ATP8A2: variants seen among roughly 807,000 people sequenced by gnomAD.
ATP8A2 encodes the protein phospholipid-transporting ATPase IB.
Under a neutral mutation model 165.6 loss-of-function variants are expected in ATP8A2, and 100 were observed. That is an observed-to-expected ratio of 0.60 (90% confidence interval 0.51 to 0.71). ATP8A2 has a LOEUF of 0.71. Ranked by LOEUF, ATP8A2 falls within the 30% of genes least tolerant of loss-of-function variation. ATP8A2 has a pLI of 0.00. For missense variants in ATP8A2, 1,227 were observed against 1,479.5 expected, an observed-to-expected ratio of 0.83 and a Z score of 2.80; for synonymous variants, 543 against 548.8, an observed-to-expected ratio of 0.99 and a Z score of 0.15.
chr13:26,025,356 C>G lies in ATP8A2; in HGVS notation c.*5371C>G, dbSNP rs1768722010. The G allele has an allele frequency of 1.3e-5, 2 of 152,382 alleles. No homozygotes were observed. The highest frequency in any genetic ancestry group is 1.9e-4 in the East Asian group (1 of 5,170). The allele number at this position is 152,382 out of a possible 1,614,324, so 9.4% of individuals were successfully genotyped here. ...TCCCTCTCAAGGGCCACGCAGGCAGCTGCAGCAGGGCCAGCTGCAGGATGG... is the reference window on the plus strand; with the variant it reads ...TCCCTCTCAAGGGCCACGCAGGCAGGTGCAGCAGGGCCAGCTGCAGGATGG... On this transcript the variant is annotated 3_prime_UTR_variant, in exon 37 of 37. Coordinates refer to ENST00000381655, the MANE Select transcript of ATP8A2 (RefSeq NM_016529.6).
intron 2 of ATP8A2, among the ~76,000 whole-genome samples, chr13:25,486,866 C>T (rs538207931): frequency 4.6e-5 from 7 of 152,236 alleles, no homozygotes; most frequent in Admixed American, 2.6e-4. Flanking sequence ...ACTTGGGAAG[C>T]TGAGGTGGAG....
At chr13:25,496,672 G>T (rs929765007) in intron 2 of ATP8A2, among the ~76,000 whole-genome samples, 3 of 152,100 alleles carry the variant, frequency 2.0e-5, no homozygotes, top group African/African-American at 7.2e-5. Flanking sequence ...AGGTAACAGA[G>T]CTTGATGATT....
chr13:25,904,992 A>G (rs1231150908), intron 33 of ATP8A2, among the ~76,000 whole-genome samples: 1 of 152,218 alleles, frequency 6.6e-6, no homozygotes, highest in African/African-American at 2.4e-5. Context: ...AGATACCTGC[A>G]TGCGCATGGC....
At chr13:25,418,029 C>G (rs2034183836) in intron 1 of ATP8A2, among the ~76,000 whole-genome samples, 1 of 152,132 alleles carries the variant, frequency 6.6e-6, no homozygotes, top group Non-Finnish European at 1.5e-5. Context: ...TTCTCATACC[C>G]ATATGTCCAA....
intron 33 of ATP8A2, among the ~76,000 whole-genome samples, chr13:25,871,007 C>T (rs1301339782): frequency 6.6e-6 from 1 of 152,008 alleles, no homozygotes; most frequent in Admixed American, 6.6e-5. Flanking sequence ...TCCTCCCTTC[C>T]CCCGTATACA....
chr13:25,736,172 G>A (rs1275215229), intron 25 of ATP8A2, among the ~76,000 whole-genome samples: 1 of 152,144 alleles, frequency 6.6e-6, no homozygotes, highest in Non-Finnish European at 1.5e-5. Flanking sequence ...TTGTGTAAGT[G>A]CATTCTATGA....
chr13:25,611,287 G>A (rs1343695325), intron 24 of ATP8A2, among the ~76,000 whole-genome samples: 2 of 152,052 alleles, frequency 1.3e-5, no homozygotes, highest in African/African-American at 4.8e-5. Context: ...CTGTGGGTTT[G>A]TCATAGATGA....
intron 1 of ATP8A2, among the ~76,000 whole-genome samples, chr13:25,434,872 A>G (rs962312904): frequency 1.3e-5 from 2 of 152,136 alleles, no homozygotes; most frequent in African/African-American, 4.8e-5. Context: ...ATTGGTATGG[A>G]CATATCACTG....
chr13:25,779,237 C>G (rs1308924522), intron 27 of ATP8A2, among the ~76,000 whole-genome samples: 1 of 151,946 alleles, frequency 6.6e-6, no homozygotes, highest in Non-Finnish European at 1.5e-5. Flanking sequence ...GTTTGAAAAA[C>G]AAATTTTACC....
intron 22 of ATP8A2, among the ~76,000 whole-genome samples, chr13:25,580,633 A>C (rs1167206838): frequency 6.6e-6 from 1 of 152,180 alleles, no homozygotes; most frequent in Admixed American, 6.5e-5. Flanking sequence ...TCCTGGGTTC[A>C]AGCTAACCTC....
At position 25,551,449 on chromosome 13, in the gene ATP8A2, G is replaced by A. The variant is rs1165709480; in HGVS notation, c.1003G>A (p.Ala335Thr). The A allele has an allele frequency of 3.1e-6, 5 of 1,613,928 alleles. No individual in the cohort carries two copies. The highest frequency in any genetic ancestry group is 2.7e-5 in the African/African-American group (2 of 74,934). ...CATGGCCTTGGTGAGCTCGGCGGGGGCCCTGTACTGGAACAGGTCTCATGG... is the reference window on the plus strand; with the variant it reads ...CATGGCCTTGGTGAGCTCGGCGGGGACCCTGTACTGGAACAGGTCTCATGG... ...LVMALVSSAG[A>T]LYWNRSHGEK... Residue 335 changes from alanine (A) to threonine (T), a missense_variant, in exon 11 of 37, where the codon GCC becomes ACC. Physicochemically the swap from Ala to Thr is moderately conservative, Grantham distance 58. Coordinates refer to ENST00000381655, the MANE Select transcript of ATP8A2 (RefSeq NM_016529.6).
chr13:25,970,994 A>G (rs1955898136), intron 35 of ATP8A2, among the ~76,000 whole-genome samples: 1 of 152,016 alleles, frequency 6.6e-6, no homozygotes, highest in Non-Finnish European at 1.5e-5. Flanking sequence ...TGTAGTTCAT[A>G]TGATGGGGTG....
At chr13:25,730,546 G>A (rs138168488) in intron 25 of ATP8A2, among the ~76,000 whole-genome samples, 1 of 152,282 alleles carries the variant, frequency 6.6e-6, no homozygotes, top group East Asian at 1.9e-4. Context: ...CAAGTGGCAT[G>A]ATATCTGTCA....
intron 33 of ATP8A2, among the ~76,000 whole-genome samples, chr13:25,913,306 G>T (rs1954174471): frequency 6.6e-6 from 1 of 152,022 alleles, no homozygotes; most frequent in South Asian, 2.1e-4. Context: ...CTCAAAAATG[G>T]TGAAAAAATA....
intron 25 of ATP8A2, among the ~76,000 whole-genome samples, chr13:25,765,948 G>C (rs936163120): frequency 1.8e-4 from 27 of 152,154 alleles, no homozygotes; most frequent in Admixed American, 1.3e-3. Flanking sequence ...CTTTGCCTGT[G>C]GGCTTCCTTT....
chr13:25,907,715 C>T (rs117365834), intron 33 of ATP8A2, among the ~76,000 whole-genome samples: 2,676 of 152,300 alleles, frequency 0.018, 29 homozygotes, highest in Middle Eastern at 0.044. Context: ...TCTTTGCCAT[C>T]ACAGGCTTTC....
At chr13:25,964,402 C>T (rs1955728488) in intron 34 of ATP8A2, among the ~76,000 whole-genome samples, 5 of 152,192 alleles carry the variant, frequency 3.3e-5, no homozygotes, top group Admixed American at 3.3e-4. Flanking sequence ...TATTATGTCT[C>T]ATATTATGCT....
chr13:25,393,783 T>C (rs2033330078), intron 1 of ATP8A2, among the ~76,000 whole-genome samples: 1 of 152,250 alleles, frequency 6.6e-6, no homozygotes, highest in East Asian at 1.9e-4. Context: ...GTTCATTTTA[T>C]GTTGTGCATG....
intron 33 of ATP8A2, among the ~76,000 whole-genome samples, chr13:25,885,405 A>C (rs1953114402): frequency 6.6e-6 from 1 of 151,712 alleles, no homozygotes; most frequent in Non-Finnish European, 1.5e-5. Flanking sequence ...GAGCCACCGC[A>C]CCAAGCCCGC....
Sources: gnomAD v4.1 joint callset for allele counts (sites outside exome capture counted in the v4.1 genomes callset) on GRCh38, gnomAD v4.1.1 for gene constraint, MANE v1.5 for transcripts, NCBI Gene and HGNC (gene_info 2026-07-23, HGNC 2026-07-21) for gene names.